The following BLCAP variants were observed in gnomAD, a reference collection of about 807,000 sequenced individuals.
The protein encoded by BLCAP is apoptosis inducing factor BLCAP.
A neutral mutation model predicts 5.7 loss-of-function variants in BLCAP; 1 was observed. That is an observed-to-expected ratio of 0.18 (90% CI 0.06 to 0.83). The LOEUF is 0.83. BLCAP is among the 40% of genes least tolerant of loss of function. The pLI is 0.71. For synonymous variants in BLCAP, 48 were observed against 49.4 expected, an observed-to-expected ratio of 0.97 and a Z score of 0.11; for missense variants, 66 against 107.6, an observed-to-expected ratio of 0.61 and a Z score of 1.71.
At chr20:37,526,271 T>TCCCCGCCCCCCCCCCCC (rs2071716866) in intron 1 of BLCAP, among the ~76,000 whole-genome samples, 1 of 125,184 alleles carries the variant, frequency 8.0e-6, no homozygotes, top group Non-Finnish European at 1.7e-5. Context: ...GCAGTTAACT[T>TCCCCGCCCCCCCCCCCC]CCCCCCCCCA....
intron 1 of BLCAP, among the ~76,000 whole-genome samples, chr20:37,520,056 G>T (rs2071513659): frequency 6.6e-6 from 1 of 152,230 alleles, no homozygotes; most frequent in African/African-American, 2.4e-5. Flanking sequence ...AACTGAACTC[G>T]TTTGGATCAT....
At chr20:37,523,853 C>T (rs2071674118) in intron 1 of BLCAP, among the ~76,000 whole-genome samples, 1 of 152,200 alleles carries the variant, frequency 6.6e-6, no homozygotes, top group South Asian at 2.1e-4. Context: ...CATCTCAATG[C>T]TGTCCTGTGA....
At chr20:37,522,224 C>T (rs1452255425) in intron 1 of BLCAP, 22 of 428,508 alleles carry the variant, frequency 5.1e-5, no homozygotes, top group Non-Finnish European at 7.2e-5. Flanking sequence ...GAGGCAAAAG[C>T]GCTTGGTGTA....
chr20:37,526,510 T>G (rs544050373), intron 1 of BLCAP: 1 of 152,190 alleles, frequency 6.6e-6, no homozygotes, highest in East Asian at 1.9e-4. Context: ...TTCCTGAGCA[T>G]TTCCAGAGCA....
intron 1 of BLCAP, chr20:37,526,555 G>GTA (rs1299041575): frequency 6.6e-6 from 1 of 152,150 alleles, no homozygotes; most frequent in African/African-American, 2.4e-5. Flanking sequence ...GTGGTTCTTG[G>GTA]TATATCGCAC....
At position 37,518,658 on chromosome 20, in the gene BLCAP, G is replaced by A. The variant is rs1601083347; in HGVS notation, c.*253C>T. 1.9e-6 allele frequency: 1 copy of A among 521,754 alleles called. No individual in the cohort carries two copies. Among genetic ancestry groups the A allele is most frequent in the Non-Finnish European group, 3.4e-6 (1 of 294,482 alleles). The allele number at this position is 521,754 out of a possible 1,614,324, so 32.3% of individuals were successfully genotyped here. On this transcript the variant is annotated 3_prime_UTR_variant, in exon 2 of 2. Transcript: ENST00000373537. Reference sequence around the variant, plus strand: ...AATGAGGCGAGAGGGGTGGTCATGCGGCCAGCCAGGACCTAGATGGGGACA... The same window carrying A: ...AATGAGGCGAGAGGGGTGGTCATGCAGCCAGCCAGGACCTAGATGGGGACA...
intron 1 of BLCAP, chr20:37,522,474 C>T (rs777233968): frequency 6.3e-7 from 1 of 1,582,132 alleles, no homozygotes; most frequent in East Asian, 2.2e-5. Context: ...AGCTTGCCGC[C>T]ATGCAGCTCT....
Position 37,519,196 on chromosome 20 carries a change from T to G in BLCAP, c.-22A>C. ...ACATGATCTCTGCCGGGCAGGGCCT[T>G]CACCAAGGCTGCCGGGCACCGCTGC... On this transcript the variant is annotated 5_prime_UTR_variant, in exon 2 of 2. Coordinates refer to ENST00000373537, the MANE Select transcript of BLCAP (RefSeq NM_006698.4). 1 of 1,557,550 alleles carries G rather than the reference T, an allele frequency of 6.4e-7. No homozygotes were observed. Among genetic ancestry groups the G allele is most frequent in the African/African-American group, 1.4e-5 (1 of 73,494 alleles).
At chr20:37,525,586 C>G (rs1359150609) in intron 1 of BLCAP, among the ~76,000 whole-genome samples, 1 of 152,214 alleles carries the variant, frequency 6.6e-6, no homozygotes, top group Non-Finnish European at 1.5e-5. Context: ...CCATTTGCAT[C>G]CTCCACCCAC....
chr20:37,522,779 G>A (rs1349275226), intron 1 of BLCAP: 2 of 1,574,254 alleles, frequency 1.3e-6, no homozygotes, highest in South Asian at 1.2e-5. Context: ...TCCCAGCCCT[G>A]GGCGGCCGTA....
chr20:37,521,099 T>G lies in BLCAP; in HGVS notation c.-176-1749A>C. The stretch of plus-strand genomic sequence containing the variant: ...TAAGATGGAACTCAGGAGGCGGGGG[T>G]CGGTATGGAAAGAGCAGATGGATTA... On this transcript the variant is annotated intron_variant, in intron 1 of 1. Transcript: ENST00000373537. This position sits in a 1 kb window ranked among gnomAD's most constrained non-coding sequence, Gnocchi z 4.5. 3.7e-6 allele frequency: 2 copies of G among 545,074 alleles called. No individual in the cohort carries two copies. Among genetic ancestry groups the G allele is most frequent in the East Asian group, 3.1e-5 (1 of 32,034 alleles). 33.8% of individuals were successfully genotyped at this position (545,074 alleles called of 1,614,324 possible). A position where few individuals can be genotyped will look rare whatever the true frequency, so the allele number is the denominator to read the frequency against.
Position 37,518,983 on chromosome 20 carries a change from G to A in BLCAP, c.192C>T (p.Asn64=). The A allele has an allele frequency of 6.2e-7, 1 of 1,614,114 alleles. No individual in the cohort carries two copies. Among genetic ancestry groups the A allele is most frequent in the Non-Finnish European group, 8.5e-7 (1 of 1,179,954 alleles). Residue 64 remains asparagine (N), a synonymous_variant, in exon 2 of 2, where the codon AAC becomes AAT. Transcript: ENST00000373537. The part of the protein sequence containing the change: ...LFLICYSCWG[N]CFLYHCSDSP... ...AATCGGAGCAGTGGTACAGGAAACA[G>A]TTTCCCCAGCAGCTATAGCAGATAA...
chr20:37,526,359 T>C (rs1488537344), intron 1 of BLCAP, among the ~76,000 whole-genome samples: 1 of 142,458 alleles, frequency 7.0e-6, no homozygotes, highest in Non-Finnish European at 1.5e-5. Flanking sequence ...CAACAATCTC[T>C]TTTCCCCCCG....
In BLCAP at chr20:37,519,277, A is replaced by T; in HGVS notation, c.-103T>A. The stretch of plus-strand genomic sequence containing the variant: ...CAGGCGGCTGCCCTCCGCTTTCTTC[A>T]ACCCTCACTCTCCAGGAGCTGAGCC... On this transcript the variant is annotated 5_prime_UTR_variant, in exon 2 of 2. Coordinates refer to ENST00000373537, the MANE Select transcript of BLCAP (RefSeq NM_006698.4). The T allele has an allele frequency of 7.3e-7, 1 of 1,373,358 alleles. No homozygotes were observed. Among genetic ancestry groups the T allele is most frequent in the Non-Finnish European group, 9.8e-7 (1 of 1,022,776 alleles). The allele number at this position is 1,373,358 out of a possible 1,614,324, so 85.1% of individuals were successfully genotyped here. A position where few individuals can be genotyped will look rare whatever the true frequency, so the allele number is the denominator to read the frequency against.
intron 1 of BLCAP, among the ~76,000 whole-genome samples, chr20:37,524,907 G>C (rs895638633): frequency 6.6e-6 from 1 of 152,144 alleles, no homozygotes. Context: ...TTTCCCTCTC[G>C]AAGAGGGCCT....
chr20:37,519,259 C>G lies in BLCAP; in HGVS notation c.-85G>C, dbSNP rs1241247684. ...AATGGGAGCCAGCGGGCGCAGGCGGCTGCCCTCCGCTTTCTTCAACCCTCA... is the reference window on the plus strand; with the variant it reads ...AATGGGAGCCAGCGGGCGCAGGCGGGTGCCCTCCGCTTTCTTCAACCCTCA... On this transcript the variant is annotated 5_prime_UTR_variant, in exon 2 of 2. Transcript: ENST00000373537. 1.4e-6 allele frequency: 2 copies of G among 1,448,440 alleles called. No individual in the cohort carries two copies. The highest frequency in any genetic ancestry group is 5.0e-5 in the East Asian group (2 of 40,172). The allele number at this position is 1,448,440 out of a possible 1,614,324, so 89.7% of individuals were successfully genotyped here. A position where few individuals can be genotyped will look rare whatever the true frequency, so the allele number is the denominator to read the frequency against.
Position 37,519,224 on chromosome 20 carries a change from G to A in BLCAP, c.-50C>T. The A allele has an allele frequency of 1.3e-6, 2 of 1,527,906 alleles. No homozygotes were observed. Among genetic ancestry groups the A allele is most frequent in the Non-Finnish European group, 1.8e-6 (2 of 1,134,402 alleles). 94.6% of individuals were successfully genotyped at this position (1,527,906 alleles called of 1,614,324 possible). A position where few individuals can be genotyped will look rare whatever the true frequency, so the allele number is the denominator to read the frequency against. Reference sequence around the variant, plus strand: ...CCAAGGCTGCCGGGCACCGCTGCAGGAACCGACCTAATGGGAGCCAGCGGG... The same window carrying A: ...CCAAGGCTGCCGGGCACCGCTGCAGAAACCGACCTAATGGGAGCCAGCGGG... On this transcript the variant is annotated 5_prime_UTR_variant, in exon 2 of 2. Coordinates refer to ENST00000373537, the MANE Select transcript of BLCAP (RefSeq NM_006698.4).
chr20:37,520,285 C>T (rs2071520030), intron 1 of BLCAP: 1 of 152,258 alleles, frequency 6.6e-6, no homozygotes, highest in Admixed American at 6.5e-5. Flanking sequence ...TGCGAGGGAC[C>T]CACAAGACTG....
intron 1 of BLCAP, chr20:37,522,323 A>G (rs2071613678): frequency 6.3e-7 from 1 of 1,575,762 alleles, no homozygotes; most frequent in Non-Finnish European, 8.7e-7. Context: ...TGCTAAAGGA[A>G]TCCTTTGCCA....
Sources: gnomAD v4.1 joint callset for allele counts (sites outside exome capture counted in the v4.1 genomes callset) on GRCh38, gnomAD v4.1.1 for gene constraint, Gnocchi (gnomAD v3.1) non-coding constraint, MANE v1.5 for transcripts, NCBI Gene and HGNC (gene_info 2026-07-23, HGNC 2026-07-21) for gene names.